The following EYS variants were observed in gnomAD, a reference collection of about 807,000 sequenced individuals.
EYS encodes EGF-like photoreceptor maintenance factor.
Under a neutral mutation model 282.1 loss-of-function variants are expected in EYS, and 250 were observed. The observed-to-expected ratio is 0.89, with a 90% CI of 0.80 to 0.98. EYS has a LOEUF of 0.98. Among genes scored for constraint, EYS ranks in the 50% least tolerant of loss-of-function variants. The probability of loss-of-function intolerance (pLI) is 0.00; values close to 1 mark genes in which losing one functional copy is unlikely to be tolerated. For missense variants in EYS, 4,016 were observed against 3,709.0 expected, an observed-to-expected ratio of 1.08 and a Z score of -2.15; for synonymous variants, 1,355 against 1,282.9, an observed-to-expected ratio of 1.06 and a Z score of -1.20.
intron 28 of EYS, among the ~76,000 whole-genome samples, chr6:64,394,728 C>T (rs1404226482): frequency 6.6e-6 from 1 of 151,970 alleles, no homozygotes; most frequent in African/African-American, 2.4e-5. Context: ...TGGGCAAGGA[C>T]TTCATGTCTA....
chr6:64,475,506 C>G lies in EYS; in HGVS notation c.5645-36154G>C, dbSNP rs1213640185. 1.2e-4 allele frequency among the ~76,000 whole-genome samples: 16 copies of G among 131,954 alleles called. 4 individuals are homozygous for G. Among genetic ancestry groups the G allele is most frequent in the Non-Finnish European group, 2.3e-4 (14 of 60,858 alleles). The allele number at this position is 131,954 out of a possible 152,430, so 86.6% of individuals were successfully genotyped here. Reference sequence around the variant, plus strand: ...GCGGAGCTTGCAGTGAGCCGAGATCCCGCCACTGCACTCCAGCCTGGGCGA... The same window carrying G: ...GCGGAGCTTGCAGTGAGCCGAGATCGCGCCACTGCACTCCAGCCTGGGCGA... On this transcript the variant is annotated intron_variant, in intron 26 of 42. Transcript: ENST00000503581.
chr6:63,865,053 A>T (rs1368819562), intron 35 of EYS, among the ~76,000 whole-genome samples: 2 of 152,100 alleles, frequency 1.3e-5, no homozygotes, highest in Non-Finnish European at 2.9e-5. Context: ...CCTTTCCAAG[A>T]CCCACCCCTC....
intron 11 of EYS, among the ~76,000 whole-genome samples, chr6:65,314,051 C>T (rs1457741818): frequency 2.6e-5 from 4 of 152,114 alleles, no homozygotes; most frequent in Admixed American, 2.0e-4. Flanking sequence ...CATTTCCCCA[C>T]TTAGTGCCTT....
chr6:64,624,574 T>G (rs1280405914), intron 23 of EYS, among the ~76,000 whole-genome samples: 2 of 152,164 alleles, frequency 1.3e-5, no homozygotes, highest in Non-Finnish European at 2.9e-5. Context: ...GCTGGCTATT[T>G]CAAAAGGGAA....
chr6:64,388,840 C>A lies in EYS; in HGVS notation c.5928G>T (p.Arg1976Ser). 1 of 1,484,686 alleles carries A rather than the reference C, an allele frequency of 6.7e-7. No individual in the cohort carries two copies. Among genetic ancestry groups the A allele is most frequent in the South Asian group, 1.5e-5 (1 of 68,644 alleles). 92.0% of individuals were successfully genotyped at this position (1,484,686 alleles called of 1,614,324 possible). A position where few individuals can be genotyped will look rare whatever the true frequency, so the allele number is the denominator to read the frequency against. ...CAGCGTTACATGGATCCAATTCTTGCCTGTAACCATTTAAGAAAGAAATGG... is the reference window on the plus strand; with the variant it reads ...CAGCGTTACATGGATCCAATTCTTGACTGTAACCATTTAAGAAAGAAATGG... The part of the protein sequence containing the change: ...DNGQKYTLLI[R>S]QELDPCNAEL... The change falls in exon 29 of 43, where the codon AGG becomes AGT. Residue 1976 changes from arginine to serine, a missense_variant and splice_region_variant. Transcript: ENST00000503581.
At chr6:63,736,724 G>A (rs1768923391) in intron 41 of EYS, among the ~76,000 whole-genome samples, 1 of 152,110 alleles carries the variant, frequency 6.6e-6, no homozygotes, top group South Asian at 2.1e-4. Flanking sequence ...CATGAGCATG[G>A]AATGTTCTTC....
intron 14 of EYS, among the ~76,000 whole-genome samples, chr6:64,952,407 C>T (rs11962112): frequency 0.014 from 2,127 of 152,008 alleles, 44 homozygotes; most frequent in African/African-American, 0.049. Flanking sequence ...ACCTGCCCAA[C>T]GAGGGTATAA....
intron 12 of EYS, among the ~76,000 whole-genome samples, chr6:65,284,356 GA>G (rs1232727316): frequency 6.6e-6 from 1 of 152,024 alleles, no homozygotes; most frequent in Non-Finnish European, 1.5e-5. Context: ...GTTGCCATAT[GA>G]AAAAAGCTAC....
At chr6:64,633,918 C>T (rs1456043959) in intron 22 of EYS, among the ~76,000 whole-genome samples, 1 of 152,126 alleles carries the variant, frequency 6.6e-6, no homozygotes, top group East Asian at 1.9e-4. Context: ...GCCAGCACCA[C>T]CCAGACAAGC....
intron 1 of EYS, among the ~76,000 whole-genome samples, chr6:65,701,466 C>T (rs1769672714): frequency 6.6e-6 from 1 of 152,162 alleles, no homozygotes; most frequent in Non-Finnish European, 1.5e-5. Context: ...AGTCTCCTCA[C>T]ACAACTGCCA....
At chr6:65,222,534 A>G (rs1766496115) in intron 12 of EYS, among the ~76,000 whole-genome samples, 1 of 152,222 alleles carries the variant, frequency 6.6e-6, no homozygotes, top group African/African-American at 2.4e-5. Flanking sequence ...TCCTTTATAA[A>G]TTACTCAGTC....
chr6:63,823,972 G>C (rs1000332288), intron 36 of EYS, among the ~76,000 whole-genome samples: 1 of 152,154 alleles, frequency 6.6e-6, no homozygotes, highest in Admixed American at 6.5e-5. Context: ...GCAAAGGAAA[G>C]CAGAATAGAT....
chr6:65,346,262 G>T (rs1288399203), intron 9 of EYS, among the ~76,000 whole-genome samples: 1 of 151,464 alleles, frequency 6.6e-6, no homozygotes, highest in East Asian at 2.0e-4. Context: ...CCCACATTTG[G>T]CAGAAAGACT....
chr6:64,845,690 C>T (rs566175899), intron 19 of EYS, among the ~76,000 whole-genome samples: 2 of 152,198 alleles, frequency 1.3e-5, no homozygotes, highest in Admixed American at 1.3e-4. Context: ...GTCAGATCCT[C>T]TTTTTGATGA....
intron 2 of EYS, among the ~76,000 whole-genome samples, chr6:65,635,314 C>A (rs73455513): frequency 0.064 from 9,731 of 152,064 alleles, 975 homozygotes; most frequent in African/African-American, 0.21. Flanking sequence ...CTATGGAGCC[C>A]AAAGCAGGGT....
At chr6:65,319,489 G>A (rs12207903) in intron 11 of EYS, among the ~76,000 whole-genome samples, 6,996 of 151,944 alleles carry the variant, frequency 0.046, 222 homozygotes, top group South Asian at 0.089. Flanking sequence ...TAGAAGAACC[G>A]AAAACATTTA....
intron 5 of EYS, among the ~76,000 whole-genome samples, chr6:65,424,342 C>A (rs1767583644): frequency 6.6e-6 from 1 of 151,630 alleles, no homozygotes; most frequent in African/African-American, 2.4e-5. Context: ...TTATTATTTT[C>A]TTTAGTCTTA....
intron 30 of EYS, among the ~76,000 whole-genome samples, chr6:64,247,974 G>T (rs1767070430): frequency 6.6e-6 from 1 of 152,146 alleles, no homozygotes. Flanking sequence ...TTTGACATTA[G>T]CAGAGTAAGA....
chr6:65,241,859 T>G (rs1420697656), intron 12 of EYS, among the ~76,000 whole-genome samples: 1 of 152,066 alleles, frequency 6.6e-6, no homozygotes, highest in Non-Finnish European at 1.5e-5. Context: ...TCTGCTTCCC[T>G]AACACTTATT....
Sources: gnomAD v4.1 joint callset for allele counts (sites outside exome capture counted in the v4.1 genomes callset) on GRCh38, gnomAD v4.1.1 for gene constraint, MANE v1.5 for transcripts, NCBI Gene and HGNC (gene_info 2026-07-23, HGNC 2026-07-21) for gene names.